Variants in OLA1 observed in about 807,000 individuals in gnomAD.
OLA1 encodes Obg like ATPase 1, also known as obg-like ATPase 1.
Under a neutral mutation model 48.4 loss-of-function variants are expected in OLA1, and 14 were observed. The ratio of observed to expected loss-of-function variants is 0.29; its 90% CI spans 0.19 to 0.45. The LOEUF (loss-of-function observed/expected upper bound fraction) is 0.45, where lower values mean the gene tolerates loss of function less well. OLA1 is among the 20% of genes least tolerant of loss of function. The pLI is 1.00. For synonymous variants in OLA1, 127 were observed against 150.4 expected (o/e 0.84, Z 1.14); for missense variants, 325 against 467.1 (o/e 0.70, Z 2.80).
At chr2:174,230,671 T>TA (rs1288464417) in intron 2 of OLA1, among the ~76,000 whole-genome samples, 1 of 152,136 alleles carries the variant, frequency 6.6e-6, no homozygotes, top group African/African-American at 2.4e-5. Flanking sequence ...ACCATGGGGA[T>TA]AAAGTCAATA....
chr2:174,247,393 A>AATAT, intron 1 of OLA1: 2 of 323,140 alleles, frequency 6.2e-6, no homozygotes, highest in African/African-American at 2.1e-5. Context: ...TAAATAAATA[A>AATAT]AATATTTGTG....
At chr2:174,119,280 C>G (rs1409956146) in intron 7 of OLA1, among the ~76,000 whole-genome samples, 1 of 151,986 alleles carries the variant, frequency 6.6e-6, no homozygotes, top group East Asian at 1.9e-4. Context: ...TATTTGAAAT[C>G]CTAATTCATA....
At chr2:174,170,007 A>G (rs1460863771) in intron 4 of OLA1, among the ~76,000 whole-genome samples, 1 of 152,328 alleles carries the variant, frequency 6.6e-6, no homozygotes, top group East Asian at 1.9e-4. Context: ...CAAGTTTTCT[A>G]TATTTTACAT....
chr2:174,132,537 T>C (rs1421739770), intron 5 of OLA1, among the ~76,000 whole-genome samples: 1 of 152,154 alleles, frequency 6.6e-6, no homozygotes, highest in Non-Finnish European at 1.5e-5. Flanking sequence ...AAATTTGGTA[T>C]ATTGCATGTT....
chr2:174,121,649 T>C (rs1020768474), intron 7 of OLA1, among the ~76,000 whole-genome samples: 3 of 152,174 alleles, frequency 2.0e-5, no homozygotes, highest in African/African-American at 7.2e-5. Flanking sequence ...ATTTGCTATT[T>C]AGACAAGGGT....
intron 4 of OLA1, among the ~76,000 whole-genome samples, chr2:174,176,671 G>A (rs1687426175): frequency 6.6e-6 from 1 of 152,020 alleles, no homozygotes; most frequent in Non-Finnish European, 1.5e-5. Context: ...GATATTAAAA[G>A]CTAAACATTT....
At chr2:174,223,243 T>A in intron 3 of OLA1, 83 bp from the exon 4 acceptor site, 1 of 1,321,608 alleles carries the variant, frequency 7.6e-7, no homozygotes, top group Non-Finnish European at 1.1e-6. Flanking sequence ...ACATTTCACA[T>A]AAATTCTTTC....
At chr2:174,152,243 C>T (rs1279765965) in intron 4 of OLA1, among the ~76,000 whole-genome samples, 1 of 151,966 alleles carries the variant, frequency 6.6e-6, no homozygotes, top group Non-Finnish European at 1.5e-5. Flanking sequence ...CCTGTCTTTA[C>T]TAAAAATACA....
chr2:174,171,095 T>A (rs1284480425), intron 4 of OLA1, among the ~76,000 whole-genome samples: 2 of 152,186 alleles, frequency 1.3e-5, no homozygotes, highest in African/African-American at 4.8e-5. Context: ...ATACACATAA[T>A]GTGTATGTGC....
At chr2:174,123,057 A>T in intron 7 of OLA1, 123 bp downstream of exon 7, 1 of 579,444 alleles carries the variant, frequency 1.7e-6, no homozygotes, top group Non-Finnish European at 3.0e-6. Context: ...ATCCATTTTA[A>T]ACTTTTTAAT....
In OLA1 at chr2:174,092,617, G is replaced by A. The variant is rs919748474; in HGVS notation, c.729-10553C>T. Among the ~76,000 whole-genome samples, 29 of 151,906 alleles carry A rather than the reference G, an allele frequency of 1.9e-4. 1 individual carries two copies. The highest frequency in any genetic ancestry group is 6.3e-4 in the African/African-American group (26 of 41,384). On this transcript the variant is annotated intron_variant, in intron 7 of 10. Coordinates refer to ENST00000284719, the MANE Select transcript of OLA1 (RefSeq NM_013341.5). ...TTCGAGGTTGTGGTGAGCTGTGATC[G>A]CACCACTGCACTCCAGCCTGGGTGA...
intron 5 of OLA1, 54 bp downstream of exon 5, chr2:174,141,771 A>T: frequency 7.3e-7 from 1 of 1,378,252 alleles, no homozygotes; most frequent in Non-Finnish European, 1.0e-6. Context: ...TAAAAAATTT[A>T]ATCAAGAAAA....
At chr2:174,093,883 T>G (rs1347504185) in intron 7 of OLA1, among the ~76,000 whole-genome samples, 2 of 152,266 alleles carry the variant, frequency 1.3e-5, no homozygotes, top group Non-Finnish European at 2.9e-5. Context: ...AATAGGCTGA[T>G]GTAGTTTATA....
intron 2 of OLA1, among the ~76,000 whole-genome samples, chr2:174,229,950 C>A (rs1024597203): frequency 7.9e-5 from 12 of 152,052 alleles, no homozygotes; most frequent in African/African-American, 2.9e-4. Flanking sequence ...GCCTTCTAAT[C>A]ATTAGTATGT....
At chr2:174,150,894 T>C (rs1238365911) in intron 4 of OLA1, among the ~76,000 whole-genome samples, 4 of 152,110 alleles carry the variant, frequency 2.6e-5, no homozygotes, top group African/African-American at 9.7e-5. Context: ...CAGCAAGGCC[T>C]TTAAAAATAG....
chr2:174,145,334 T>G (rs1165266114), intron 4 of OLA1, among the ~76,000 whole-genome samples: 13 of 151,542 alleles, frequency 8.6e-5, no homozygotes, highest in Admixed American at 6.6e-4. Context: ...GTTTCTAGGG[T>G]TTTTTTTCCC....
chr2:174,184,752 G>A (rs1237220815), intron 4 of OLA1, among the ~76,000 whole-genome samples: 1 of 152,124 alleles, frequency 6.6e-6, no homozygotes, highest in Non-Finnish European at 1.5e-5. Flanking sequence ...AAACTTTTCT[G>A]TAAATCTGAC....
At chr2:174,164,246 G>A (rs575696990) in intron 4 of OLA1, among the ~76,000 whole-genome samples, 1 of 124,628 alleles carries the variant, frequency 8.0e-6, no homozygotes, top group South Asian at 2.6e-4. Flanking sequence ...AGCAGCATGA[G>A]AATAGACTAA....
At chr2:174,246,608 C>A (rs1422574435) in intron 2 of OLA1, 107 bp downstream of exon 2, 2 of 736,258 alleles carry the variant, frequency 2.7e-6, no homozygotes, top group East Asian at 4.9e-5. Context: ...AGCTTCCTGG[C>A]CTCTTTTCTT....
Sources: allele counts gnomAD v4.1 joint callset (sites outside exome capture counted in the v4.1 genomes callset), GRCh38; gene constraint gnomAD v4.1.1; transcripts MANE v1.5; gene names NCBI Gene and HGNC (gene_info 2026-07-23, HGNC 2026-07-21).